The following TBC1D15 variants were observed in gnomAD, a reference collection of about 807,000 sequenced individuals.
TBC1D15 encodes GAP for RAB7.
Under a neutral mutation model 95.4 loss-of-function variants are expected in TBC1D15, and 39 were observed. The observed-to-expected ratio is 0.41, with a 90% CI of 0.32 to 0.53. TBC1D15 has a LOEUF of 0.53. Among genes scored for constraint, TBC1D15 ranks in the 20% least tolerant of loss-of-function variants. The pLI, the probability that TBC1D15 is intolerant of heterozygous loss-of-function variation, is 0.29. For synonymous variants in TBC1D15, 258 were observed against 261.3 expected, an observed-to-expected ratio of 0.99 and a Z score of 0.12; for missense variants, 733 against 794.3, an observed-to-expected ratio of 0.92 and a Z score of 0.93.
intron 5 of TBC1D15, 45 bp downstream of exon 5, chr12:71,885,066 A>G (rs544412056): frequency 1.6e-5 from 26 of 1,588,326 alleles, no homozygotes; most frequent in Non-Finnish European, 2.2e-5. Flanking sequence ...AGATCATTGT[A>G]TTAATCCCAA....
chr12:71,906,368 A>T (rs533753320), intron 10 of TBC1D15, among the ~76,000 whole-genome samples: 12 of 152,330 alleles, frequency 7.9e-5, no homozygotes, highest in African/African-American at 2.4e-4. Flanking sequence ...ATCGTGATGC[A>T]CTTAGTAGGC....
chr12:71,859,106 A>G (rs1889805976), intron 1 of TBC1D15, among the ~76,000 whole-genome samples: 1 of 151,612 alleles, frequency 6.6e-6, no homozygotes, highest in African/African-American at 2.4e-5. Flanking sequence ...TTTTTTTCAT[A>G]TACCTGTTAG....
At chr12:71,863,101 G>A (rs987254022) in intron 1 of TBC1D15, among the ~76,000 whole-genome samples, 18 of 152,124 alleles carry the variant, frequency 1.2e-4, no homozygotes, top group African/African-American at 3.1e-4. Context: ...CTTTTAGGCC[G>A]GGTGTGGTGG....
chr12:71,849,527 C>T, intron 1 of TBC1D15: 2 of 737,320 alleles, frequency 2.7e-6, no homozygotes, highest in Non-Finnish European at 5.0e-6. Flanking sequence ...TTATGGTCAG[C>T]TGTAGATTCA....
At chr12:71,914,673 A>G (rs984177728) in intron 12 of TBC1D15, among the ~76,000 whole-genome samples, 1 of 152,002 alleles carries the variant, frequency 6.6e-6, no homozygotes, top group Admixed American at 6.6e-5. Flanking sequence ...AATAACACTA[A>G]CATACTGGAT....
At chr12:71,893,729 T>G (rs1323205651) in intron 6 of TBC1D15, among the ~76,000 whole-genome samples, 3 of 151,960 alleles carry the variant, frequency 2.0e-5, no homozygotes, top group African/African-American at 4.8e-5. Flanking sequence ...CATGACAATC[T>G]TATTCCCCTA....
chr12:71,856,719 C>G (rs149955816), intron 1 of TBC1D15, among the ~76,000 whole-genome samples: 1 of 152,262 alleles, frequency 6.6e-6, no homozygotes, highest in African/African-American at 2.4e-5. Context: ...CTCATGTTCA[C>G]AGCACTGGTA....
rs772122738 is a variant in TBC1D15, at chr12:71,870,463, TCTTA to T, written c.31-1602_31-1599del. Among the ~76,000 whole-genome samples, 4 of 152,200 alleles carry T rather than the reference TCTTA, an allele frequency of 2.6e-5. No homozygotes were observed. The South Asian group carries it at 6.2e-4, about 24-fold the overall frequency. The stretch of plus-strand genomic sequence containing the variant: ...TTAACAGCTATTTCAGGAAAGGCCA[TCTTA>T]CTTAGGTTTTTGAAATCAAAACTTC... On this transcript the variant is annotated intron_variant, in intron 1 of 16. Transcript: ENST00000485960.
intron 10 of TBC1D15, among the ~76,000 whole-genome samples, chr12:71,906,130 C>G (rs536707761): frequency 6.6e-6 from 1 of 152,264 alleles, no homozygotes; most frequent in Non-Finnish European, 1.5e-5. Flanking sequence ...GTCTCGGCAT[C>G]CCAAAGTGCT....
chr12:71,921,342 C>A (rs762728108), intron 15 of TBC1D15, 26 bp from the exon 16 acceptor site: 3 of 1,362,812 alleles, frequency 2.2e-6, no homozygotes, highest in African/African-American at 2.9e-5. Context: ...GTTTCGATAT[C>A]ATTTTATTTT....
At chr12:71,893,420 G>T in intron 6 of TBC1D15, 96 bp downstream of exon 6, 1 of 675,156 alleles carries the variant, frequency 1.5e-6, no homozygotes. Context: ...AATGAGACAG[G>T]TACATATATA....
intron 4 of TBC1D15, 143 bp from the exon 5 acceptor site, chr12:71,884,668 A>G: frequency 3.2e-6 from 2 of 631,136 alleles, no homozygotes; most frequent in Non-Finnish European, 2.8e-6. Context: ...GCCATATCTA[A>G]TACAGGTGGA....
rs1407439376 is a variant in TBC1D15, at chr12:71,884,929, A to G, written c.462A>G (p.Leu154=). Residue 154 remains leucine, a synonymous_variant, in exon 5 of 17, where the codon CTA becomes CTG. Coordinates refer to ENST00000485960, the MANE Select transcript of TBC1D15 (RefSeq NM_001146213.3). ...GCTGGTCCTATTTGGTATTCTGTCT[A>G]AAGGATGACGTCGTTCTCCCTGCTC... ...GMGWSYLVFC[L]KDDVVLPALH... The G allele has an allele frequency of 8.1e-6, 13 of 1,613,798 alleles. No individual in the cohort carries two copies. Among genetic ancestry groups the G allele is most frequent in the Non-Finnish European group, 1.1e-5 (13 of 1,179,906 alleles).
rs199759783 is a variant in TBC1D15 at position 71,923,030 on chromosome 12, A to G, written c.1851A>G (p.Glu617=). Residue 617 remains glutamate (E), a synonymous_variant, in exon 17 of 17, where the codon GAA becomes GAG. Transcript: ENST00000485960. ...VCEILGLQGS[E]VTTPDSDVGE... is the part of the protein sequence containing the mutation. Reference sequence around the variant, plus strand: ...AGATCCTTGGGCTTCAAGGCAGTGAAGTTACAACACCAGATTCAGACGTTG... The same window carrying G: ...AGATCCTTGGGCTTCAAGGCAGTGAGGTTACAACACCAGATTCAGACGTTG... The G allele has an allele frequency of 1.2e-6, 2 of 1,614,220 alleles. No homozygotes were observed. The highest frequency in any genetic ancestry group is 4.5e-5 in the East Asian group (2 of 44,882).
intron 5 of TBC1D15, among the ~76,000 whole-genome samples, chr12:71,887,082 C>G (rs1018938173): frequency 2.0e-5 from 3 of 152,104 alleles, no homozygotes; most frequent in African/African-American, 7.2e-5. Context: ...AGATAGCAAA[C>G]TACTGATTGA....
intron 1 of TBC1D15, chr12:71,854,564 C>T (rs779072315): frequency 1.3e-4 from 59 of 456,472 alleles, no homozygotes; most frequent in African/African-American, 3.8e-4. Flanking sequence ...TTCTGACAGG[C>T]GACATTATCA....
At chr12:71,877,140 C>CT (rs1278718401) in intron 3 of TBC1D15, among the ~76,000 whole-genome samples, 1 of 150,394 alleles carries the variant, frequency 6.6e-6, no homozygotes, top group Non-Finnish European at 1.5e-5. Context: ...AGGTTTTCTA[C>CT]TTTCCTTTAT....
In TBC1D15 at chr12:71,849,408, A is replaced by C; in HGVS notation, c.30+9597A>C. 2.2e-6 allele frequency: 3 copies of C among 1,364,604 alleles called. No homozygotes were observed. The Admixed American group carries it at 5.1e-5, about 23-fold the overall frequency. The allele number at this position is 1,364,604 out of a possible 1,614,324, so 84.5% of individuals were successfully genotyped here. ...TCCAGCTGAGCCACTTCCCATGAAC[A>C]TAATTCCTGTAATCAGTCAAAACAC... On this transcript the variant is annotated intron_variant, in intron 1 of 16. Transcript: ENST00000485960.
At chr12:71,861,349 A>G in intron 1 of TBC1D15, 1 of 939,126 alleles carries the variant, frequency 1.1e-6, no homozygotes, top group Non-Finnish European at 1.4e-6. Flanking sequence ...CTTTTCTTTA[A>G]TGGGAGACTT....
Sources: allele counts gnomAD v4.1 joint callset (sites outside exome capture counted in the v4.1 genomes callset), GRCh38; gene constraint gnomAD v4.1.1; transcripts MANE v1.5; gene names NCBI Gene and HGNC (gene_info 2026-07-23, HGNC 2026-07-21).